Variants in LRRD1 observed in about 807,000 individuals in gnomAD.
LRRD1 encodes the protein leucine rich repeats and death domain containing 1, also known as leucine-rich repeat and death domain-containing protein 1.
A neutral mutation model predicts 69.5 loss-of-function variants in LRRD1; 49 were observed. The observed-to-expected ratio is 0.70, with a 90% CI of 0.56 to 0.89. The LOEUF is 0.89. Among genes scored for constraint, LRRD1 ranks in the 40% least tolerant of loss-of-function variants. The probability of loss-of-function intolerance (pLI) is 0.00; values close to 1 mark genes in which losing one functional copy is unlikely to be tolerated. For synonymous variants in LRRD1, 303 were observed against 338.9 expected, an observed-to-expected ratio of 0.89 and a Z score of 1.16; for missense variants, 853 against 956.0, an observed-to-expected ratio of 0.89 and a Z score of 1.42.
intron 1 of LRRD1, among the ~76,000 whole-genome samples, chr7:92,176,990 TATAA>T (rs1789212726): frequency 6.7e-6 from 1 of 148,482 alleles, no homozygotes; most frequent in Admixed American, 6.8e-5. Flanking sequence ...TTGTATAATA[TATAA>T]ATAATAAAAA....
chr7:92,165,188 C>T lies in LRRD1; in HGVS notation c.15G>A (p.Glu5=). 2.0e-6 allele frequency: 3 copies of T among 1,472,624 alleles called. No homozygotes were observed. In the South Asian group the frequency reaches 4.2e-5, roughly 21 times the overall value. The allele number at this position is 1,472,624 out of a possible 1,614,324, so 91.2% of individuals were successfully genotyped here. Residue 5 remains glutamate, a synonymous_variant, in exon 2 of 6, where the codon GAG becomes GAA. Coordinates refer to ENST00000458448, the MANE Select transcript of LRRD1 (RefSeq NM_001161528.2). The part of the protein sequence containing the change: MSEK[E]GMSEVLEDTI... ...TATCCTCTAGCACTTCTGACATACC[C>T]TCCTTTTCAGACATCTTATTTGCTG...
Position 92,164,473 on chromosome 7 carries a change from T to A in LRRD1, c.730A>T (p.Asn244Tyr), listed in dbSNP as rs1788859269. ...GNIRQLFFYN[N>Y]YIENFPSDLE... is the part of the protein sequence containing the mutation. ...TCAGAAGGAAAATTTTCAATGTAAT[T>A]GTTATAAAAAAAGAGTTGTCTGATA... Residue 244 changes from asparagine to tyrosine, a missense_variant, in exon 2 of 6, where the codon AAT becomes TAT. Physicochemically the swap from Asn to Tyr is moderately radical, Grantham distance 143 (BLOSUM62 -2). This residue lies in a region of LRRD1 where 739 missense variants were observed against 808.0 expected (regional missense o/e 0.91). Coordinates refer to ENST00000458448, the MANE Select transcript of LRRD1 (RefSeq NM_001161528.2). The A allele has an allele frequency of 1.3e-6, 2 of 1,550,078 alleles. No homozygotes were observed. The highest frequency in any genetic ancestry group is 8.7e-7 in the Non-Finnish European group (1 of 1,146,274).
chr7:92,176,667 G>T (rs758561912), intron 1 of LRRD1, among the ~76,000 whole-genome samples: 10 of 151,532 alleles, frequency 6.6e-5, no homozygotes, highest in Non-Finnish European at 1.3e-4. Flanking sequence ...AGGTTCAAGT[G>T]ATTCTCCTGC....
At chr7:92,146,263 A>G in intron 4 of LRRD1, 63 bp from the exon 5 acceptor site, 1 of 785,912 alleles carries the variant, frequency 1.3e-6, no homozygotes, top group Non-Finnish European at 2.0e-6. Context: ...TTGAGTTCAT[A>G]TTATATCTAG....
At chr7:92,142,936 G>A (rs1007593628), downstream of LRRD1, 7 of 298,270 alleles carry the variant, frequency 2.3e-5, no homozygotes, top group Non-Finnish European at 4.6e-5. Context: ...CAGTGTGGAA[G>A]GGGACCGGAA....
At chr7:92,155,226 T>C (rs1788627449) in intron 3 of LRRD1, among the ~76,000 whole-genome samples, 1 of 152,080 alleles carries the variant, frequency 6.6e-6, no homozygotes, top group South Asian at 2.1e-4. Flanking sequence ...AAAATAAGGG[T>C]TACATGAACA....
downstream of LRRD1, chr7:92,142,485 A>C: frequency 2.2e-6 from 1 of 456,770 alleles, no homozygotes; most frequent in South Asian, 1.5e-5. Flanking sequence ...TGCATCTTCC[A>C]TAGTAGCTCT....
At chr7:92,167,876 CAAAAAAAAAAAAAAAAAAA>C (rs542619786) in intron 1 of LRRD1, among the ~76,000 whole-genome samples, 3 of 46,186 alleles carry the variant, frequency 6.5e-5, no homozygotes, top group Admixed American at 3.9e-4. Context: ...GACTCTGTCT[CAAAAAAAAAAAAAAAAAAA>C]AAAAAAAAAA....
chr7:92,144,330 T>C (rs141071021), downstream of LRRD1, among the ~76,000 whole-genome samples: 453 of 152,208 alleles, frequency 3.0e-3, 4 homozygotes, highest in African/African-American at 0.01. Context: ...AGAAAAATTT[T>C]AATAGAATTA....
chr7:92,154,928 T>G (rs1278582554), intron 3 of LRRD1, among the ~76,000 whole-genome samples: 1 of 152,216 alleles, frequency 6.6e-6, no homozygotes, highest in Non-Finnish European at 1.5e-5. Flanking sequence ...CACCCACAAA[T>G]TTAATGCCTT....
chr7:92,145,332 C>A (rs1399999445), intron 5 of LRRD1, among the ~76,000 whole-genome samples: 1 of 151,958 alleles, frequency 6.6e-6, no homozygotes, highest in African/African-American at 2.4e-5. Context: ...CCCTTGTACC[C>A]TTATAGAAAA....
chr7:92,175,026 A>G (rs1789161450), intron 1 of LRRD1, among the ~76,000 whole-genome samples: 1 of 151,960 alleles, frequency 6.6e-6, no homozygotes, highest in Non-Finnish European at 1.5e-5. Context: ...GATCACACCA[A>G]TGCACTCCAG....
At chr7:92,172,882 G>C (rs1789087344) in intron 1 of LRRD1, among the ~76,000 whole-genome samples, 1 of 152,032 alleles carries the variant, frequency 6.6e-6, no homozygotes, top group Admixed American at 6.6e-5. Context: ...ACCCTGAATA[G>C]CCAAAGCAAT....
At chr7:92,175,124 T>G (rs932845703) in intron 1 of LRRD1, among the ~76,000 whole-genome samples, 1 of 152,134 alleles carries the variant, frequency 6.6e-6, no homozygotes, top group Non-Finnish European at 1.5e-5. Flanking sequence ...CCATATTATC[T>G]CCACTCAAAG....
At chr7:92,168,099 A>G (rs1352711557) in intron 1 of LRRD1, among the ~76,000 whole-genome samples, 1 of 152,106 alleles carries the variant, frequency 6.6e-6, no homozygotes, top group Non-Finnish European at 1.5e-5. Flanking sequence ...CTCAAACATG[A>G]GGAGGAAATA....
intron 1 of LRRD1, among the ~76,000 whole-genome samples, chr7:92,167,637 G>A (rs762567383): frequency 2.6e-4 from 40 of 151,746 alleles, no homozygotes; most frequent in Admixed American, 5.2e-4. Context: ...CAGCACTTTG[G>A]GAGGCCGAGG....
intron 3 of LRRD1, among the ~76,000 whole-genome samples, chr7:92,154,975 T>C (rs1788620859): frequency 6.6e-6 from 1 of 152,234 alleles, no homozygotes; most frequent in Admixed American, 6.5e-5. Context: ...GCACTGTGGC[T>C]GTAATTTTGT....
At chr7:92,175,542 G>A (rs1789174142) in intron 1 of LRRD1, among the ~76,000 whole-genome samples, 1 of 152,102 alleles carries the variant, frequency 6.6e-6, no homozygotes, top group African/African-American at 2.4e-5. Flanking sequence ...CAGCTACTCG[G>A]GAGGCTGAGG....
At chr7:92,173,838 A>G (rs1484645450) in intron 1 of LRRD1, among the ~76,000 whole-genome samples, 3 of 152,222 alleles carry the variant, frequency 2.0e-5, no homozygotes, top group Non-Finnish European at 2.9e-5. Context: ...TATATATCCA[A>G]AATAAAGAAA....
Sources: allele counts gnomAD v4.1 joint callset (sites outside exome capture counted in the v4.1 genomes callset), GRCh38; gene constraint gnomAD v4.1.1; regional missense constraint gnomAD v4.1.1; transcripts MANE v1.5; gene names NCBI Gene and HGNC (gene_info 2026-07-23, HGNC 2026-07-21).